The following PTK2 variants were observed in gnomAD, a reference collection of about 807,000 sequenced individuals.
PTK2 encodes protein tyrosine kinase 2.
In PTK2, 45 loss-of-function variants were observed where a neutral mutation model predicts 150.1. The ratio of observed to expected loss-of-function variants is 0.30; its 90% CI spans 0.24 to 0.38. The LOEUF (loss-of-function observed/expected upper bound fraction) is 0.38, where lower values mean the gene tolerates loss of function less well. Among genes scored for constraint, PTK2 ranks in the 10% least tolerant of loss-of-function variants. The probability of loss-of-function intolerance (pLI) is 1.00; values close to 1 mark genes in which losing one functional copy is unlikely to be tolerated. For missense variants in PTK2, 919 were observed against 1,307.3 expected, an observed-to-expected ratio of 0.70 and a Z score of 4.58; for synonymous variants, 432 against 449.2, an observed-to-expected ratio of 0.96 and a Z score of 0.48.
At chr8:140,704,311 A>AG (rs2100032451) in intron 24 of PTK2, among the ~76,000 whole-genome samples, 1 of 152,222 alleles carries the variant, frequency 6.6e-6, no homozygotes, top group Non-Finnish European at 1.5e-5. Context: ...GGCTTGGGAA[A>AG]GGTTAATCAT....
At chr8:140,925,808 T>C (rs2100169218) in intron 1 of PTK2, 59 bp from the exon 2 acceptor site, 2 of 219,944 alleles carry the variant, frequency 9.1e-6, no homozygotes, top group Admixed American at 6.5e-5. Context: ...ATCAGCAAAA[T>C]GAGGACAGTA....
At chr8:141,001,215 C>G (rs1451066414) in exon 1 of PTK2, 1 of 149,530 alleles carries the variant, frequency 6.7e-6, no homozygotes, top group Non-Finnish European at 1.5e-5. Flanking sequence ...ACGCCTCACG[C>G]CGCGGGCTCA....
chr8:140,807,312 A>G (rs2100098650), intron 10 of PTK2, among the ~76,000 whole-genome samples: 1 of 152,238 alleles, frequency 6.6e-6, no homozygotes, highest in African/African-American at 2.4e-5. Context: ...AGCCTCAGAA[A>G]AAGTTTCACT....
At chr8:140,814,980 T>C (rs2100103813) in intron 10 of PTK2, among the ~76,000 whole-genome samples, 1 of 152,120 alleles carries the variant, frequency 6.6e-6, no homozygotes, top group Admixed American at 6.5e-5. Context: ...TTCACCGTGT[T>C]AGCCAGGATG....
chr8:140,834,376 G>C (rs537782470), intron 7 of PTK2, among the ~76,000 whole-genome samples: 2 of 152,316 alleles, frequency 1.3e-5, no homozygotes, highest in Admixed American at 1.3e-4. Flanking sequence ...CAATGCAGAA[G>C]GCAGCAGATC....
At chr8:140,692,856 C>T (rs1283964838) in intron 26 of PTK2, among the ~76,000 whole-genome samples, 1 of 152,076 alleles carries the variant, frequency 6.6e-6, no homozygotes, top group East Asian at 1.9e-4. Flanking sequence ...TTCAGACAGA[C>T]AGCCTCTTGC....
chr8:140,848,788 T>C (rs1043355425), intron 5 of PTK2, among the ~76,000 whole-genome samples: 1 of 152,220 alleles, frequency 6.6e-6, no homozygotes, highest in African/African-American at 2.4e-5. Flanking sequence ...GATAGGTATT[T>C]AGATAGGCAG....
chr8:140,824,555 T>C (rs546708062), intron 8 of PTK2, among the ~76,000 whole-genome samples: 6 of 152,258 alleles, frequency 3.9e-5, no homozygotes, highest in Admixed American at 3.9e-4. Flanking sequence ...TAAATGCGAC[T>C]GCCAATGAGG....
intron 1 of PTK2, among the ~76,000 whole-genome samples, chr8:140,961,071 T>C (rs185737400): frequency 6.6e-6 from 1 of 152,186 alleles, no homozygotes; most frequent in Non-Finnish European, 1.5e-5. Flanking sequence ...AGAAAAGACA[T>C]CTGAAATCAA....
At chr8:140,929,866 G>A (rs1445225489) in intron 1 of PTK2, among the ~76,000 whole-genome samples, 1 of 152,000 alleles carries the variant, frequency 6.6e-6, no homozygotes, top group East Asian at 1.9e-4. Flanking sequence ...AGCATAAAGG[G>A]CTTTGAGAGC....
chr8:140,723,611 T>C (rs1592223440), intron 22 of PTK2, among the ~76,000 whole-genome samples: 1 of 152,198 alleles, frequency 6.6e-6, no homozygotes, highest in African/African-American at 2.4e-5. Context: ...ACTATAAATA[T>C]TTTTAGTAGC....
intron 16 of PTK2, among the ~76,000 whole-genome samples, chr8:140,759,111 C>T (rs1226809823): frequency 2.6e-5 from 4 of 152,128 alleles, no homozygotes; most frequent in East Asian, 1.9e-4. Flanking sequence ...AATCGCCTAA[C>T]GATGCATTTG....
chr8:140,703,271 A>G (rs1427927668), intron 24 of PTK2, among the ~76,000 whole-genome samples: 1 of 152,172 alleles, frequency 6.6e-6, no homozygotes, highest in African/African-American at 2.4e-5. Context: ...TCAAAAAAAA[A>G]AAGAAAATAA....
At chr8:140,667,466 CTTTT>C (rs869029677) in intron 30 of PTK2, among the ~76,000 whole-genome samples, 6 of 54,178 alleles carry the variant, frequency 1.1e-4, no homozygotes, top group Non-Finnish European at 2.1e-4. Flanking sequence ...CTCTCTCTCT[CTTTT>C]TTTTTTTTTT....
At chr8:140,962,878 C>A (rs112780434) in intron 1 of PTK2, among the ~76,000 whole-genome samples, 170 of 151,942 alleles carry the variant, frequency 1.1e-3, no homozygotes, top group Admixed American at 2.7e-3. Flanking sequence ...GTAGGTCCCC[C>A]CCCCCAACCC....
intron 2 of PTK2, among the ~76,000 whole-genome samples, chr8:140,909,843 C>T (rs922004313): frequency 1.3e-5 from 2 of 152,024 alleles, no homozygotes; most frequent in Non-Finnish European, 2.9e-5. Context: ...TCCTGTTACC[C>T]CTCATATCTT....
intron 10 of PTK2, among the ~76,000 whole-genome samples, chr8:140,817,683 T>C (rs762922245): frequency 6.6e-5 from 10 of 152,226 alleles, no homozygotes; most frequent in Non-Finnish European, 1.5e-4. Context: ...TTCCTTATTG[T>C]ATCTCAAACC....
At chr8:140,743,088 T>G (rs918583721) in intron 20 of PTK2, 142 bp downstream of exon 23, 2 of 583,468 alleles carry the variant, frequency 3.4e-6, no homozygotes, top group Non-Finnish European at 5.9e-6. Flanking sequence ...TCCAGCACCA[T>G]TGCTGAGAAG....
At chr8:140,958,371 C>T (rs1242188620) in intron 1 of PTK2, among the ~76,000 whole-genome samples, 1 of 152,096 alleles carries the variant, frequency 6.6e-6, no homozygotes, top group Non-Finnish European at 1.5e-5. Flanking sequence ...TCTTGAACTC[C>T]TAGACTCAAG....
Sources: gnomAD v4.1 joint callset for allele counts (sites outside exome capture counted in the v4.1 genomes callset) on GRCh38, gnomAD v4.1.1 for gene constraint, MANE v1.5 for transcripts, NCBI Gene and HGNC (gene_info 2026-07-23, HGNC 2026-07-21) for gene names.